Variants in ZFHX3 observed in about 807,000 individuals in gnomAD.
ZFHX3 encodes zinc finger homeobox protein 3.
In ZFHX3, 42 loss-of-function variants were observed where a neutral mutation model predicts 279.1. That is an observed-to-expected ratio of 0.15 (90% CI 0.12 to 0.19). ZFHX3 has a LOEUF of 0.19. Ranked by LOEUF, ZFHX3 falls within the 10% of genes least tolerant of loss-of-function variation. The pLI is 1.00. For missense variants in ZFHX3, 4,981 were observed against 4,754.0 expected (o/e 1.05, Z -1.40); for synonymous variants, 2,293 against 1,957.8 (o/e 1.17, Z -4.52).
chr16:73,086,387 T>C (rs1393844475), intron 8 of ZFHX3, among the ~76,000 whole-genome samples: 1 of 152,194 alleles, frequency 6.6e-6, no homozygotes. Flanking sequence ...GAAATCAGTA[T>C]ATTGAAGAGA....
chr16:72,992,916 CA>C (rs1229867953), intron 1 of ZFHX3, among the ~76,000 whole-genome samples: 1 of 152,230 alleles, frequency 6.6e-6, no homozygotes, highest in Non-Finnish European at 1.5e-5. Context: ...ACGGGTGGAT[CA>C]CCTGAGGTCA....
chr16:73,725,813 C>G (rs772177425), intron 1 of ZFHX3, among the ~76,000 whole-genome samples: 1 of 152,182 alleles, frequency 6.6e-6, no homozygotes, highest in African/African-American at 2.4e-5. Flanking sequence ...AGGACATCAA[C>G]CCAGGCACCA....
intron 4 of ZFHX3, among the ~76,000 whole-genome samples, chr16:72,877,365 G>C (rs1391643760): frequency 1.2e-5 from 1 of 86,884 alleles, no homozygotes; most frequent in East Asian, 3.8e-4. Flanking sequence ...TTTTTCTGTT[G>C]TTGTTGTTGG....
intron 1 of ZFHX3, among the ~76,000 whole-genome samples, chr16:73,867,219 G>A (rs752351104): frequency 1.3e-5 from 2 of 152,140 alleles, no homozygotes; most frequent in Admixed American, 6.5e-5. Context: ...ATTCCAGTGT[G>A]AGATGCTTTG....
At chr16:73,478,387 G>A (rs142679957) in intron 2 of ZFHX3, among the ~76,000 whole-genome samples, 26 of 151,902 alleles carry the variant, frequency 1.7e-4, no homozygotes, top group African/African-American at 5.6e-4. Context: ...GAGCTATCCA[G>A]GCTTCTTCCC....
At chr16:73,499,826 T>A (rs1421295649) in intron 2 of ZFHX3, 5 of 152,204 alleles carry the variant, frequency 3.3e-5, no homozygotes, top group Non-Finnish European at 7.3e-5. Context: ...ACGACAATGG[T>A]CCTGTAAGAT....
chr16:73,011,364 T>C (rs1471224095), intron 1 of ZFHX3, among the ~76,000 whole-genome samples: 1 of 152,028 alleles, frequency 6.6e-6, no homozygotes, highest in African/African-American at 2.4e-5. Flanking sequence ...ACTCCTGGCC[T>C]CAAGCAATCT....
At chr16:73,146,760 A>C (rs879336799) in intron 5 of ZFHX3, among the ~76,000 whole-genome samples, 13 of 151,924 alleles carry the variant, frequency 8.6e-5, no homozygotes, top group African/African-American at 1.5e-4. Context: ...GGCTCAAGCA[A>C]TCCTCTCATC....
chr16:73,887,876 T>C (rs567299302), intron 1 of ZFHX3, among the ~76,000 whole-genome samples: 5 of 152,222 alleles, frequency 3.3e-5, no homozygotes, highest in Admixed American at 2.6e-4. Flanking sequence ...AAAACAAACT[T>C]TTCCACCTCT....
Position 72,928,175 on chromosome 16 carries a change from A to AGCGAG in ZFHX3, c.3216+22293_3216+22294insCTCGC, listed in dbSNP as rs1959576026. 9.3e-4 allele frequency among the ~76,000 whole-genome samples: 19 copies of AGCGAG among 20,492 alleles called. 2 individuals carry two copies. Among genetic ancestry groups the AGCGAG allele is most frequent in the African/African-American group, 3.3e-3 (13 of 3,900 alleles). 13.4% of individuals were successfully genotyped at this position (20,492 alleles called of 152,430 possible). A position where few individuals can be genotyped will look rare whatever the true frequency, so the allele number is the denominator to read the frequency against. On this transcript the variant is annotated intron_variant, in intron 3 of 9. Coordinates refer to ENST00000268489, the MANE Select transcript of ZFHX3 (RefSeq NM_006885.4). ...AGGGGGAGGGGAGAGAGGGAGGGGG[A>AGCGAG]GGGGAGAGAGGGAGGGGGAGGGGAG...
chr16:73,513,197 G>C (rs964253593), intron 2 of ZFHX3, among the ~76,000 whole-genome samples: 5 of 152,166 alleles, frequency 3.3e-5, no homozygotes, highest in Non-Finnish European at 7.4e-5. Context: ...AGGAGTCCCT[G>C]GTGTGAAACT....
At chr16:73,016,423 G>A (rs1007746530) in intron 1 of ZFHX3, among the ~76,000 whole-genome samples, 1 of 152,066 alleles carries the variant, frequency 6.6e-6, no homozygotes, top group Admixed American at 6.5e-5. Context: ...TTTCACAAAG[G>A]GTTCTCATTC....
chr16:73,583,546 A>G (rs1223861288), intron 2 of ZFHX3, among the ~76,000 whole-genome samples: 6 of 152,212 alleles, frequency 3.9e-5, no homozygotes, highest in African/African-American at 1.2e-4. Flanking sequence ...CATCAAAGAA[A>G]TTTTGCCATT....
chr16:72,871,078 G>A (rs2038149861), intron 4 of ZFHX3, among the ~76,000 whole-genome samples: 1 of 152,084 alleles, frequency 6.6e-6, no homozygotes, highest in Non-Finnish European at 1.5e-5. Context: ...AAGGAAATGT[G>A]GTAAAATGCT....
intron 5 of ZFHX3, among the ~76,000 whole-genome samples, chr16:73,227,064 A>G (rs1314332455): frequency 6.6e-6 from 1 of 152,206 alleles, no homozygotes; most frequent in African/African-American, 2.4e-5. Context: ...GATTGCTTTT[A>G]CACTTTCTGG....
At chr16:73,824,600 G>T (rs1960845878) in intron 1 of ZFHX3, among the ~76,000 whole-genome samples, 1 of 109,794 alleles carries the variant, frequency 9.1e-6, no homozygotes, top group African/African-American at 3.6e-5. Flanking sequence ...CCCTTCCTGT[G>T]TCCATGTGAT....
intron 2 of ZFHX3, among the ~76,000 whole-genome samples, chr16:73,471,996 T>A (rs1442361432): frequency 6.6e-6 from 1 of 152,096 alleles, no homozygotes; most frequent in Non-Finnish European, 1.5e-5. Context: ...CCTGAGCACC[T>A]CAGAACCTCC....
chr16:73,662,110 T>A (rs1029829040), intron 2 of ZFHX3, among the ~76,000 whole-genome samples: 3 of 152,052 alleles, frequency 2.0e-5, no homozygotes, highest in African/African-American at 7.2e-5. Context: ...TGAGCTGCAC[T>A]CTCTGATCAT....
intron 7 of ZFHX3, chr16:73,126,932 A>C (rs1186708634): frequency 6.4e-6 from 1 of 155,524 alleles, no homozygotes; most frequent in African/African-American, 2.4e-5. Flanking sequence ...CAACGTCCTG[A>C]GTCCTGGTAT....
Sources: gnomAD v4.1 joint callset for allele counts (sites outside exome capture counted in the v4.1 genomes callset) on GRCh38, gnomAD v4.1.1 for gene constraint, MANE v1.5 for transcripts, NCBI Gene and HGNC (gene_info 2026-07-23, HGNC 2026-07-21) for gene names.